Variants in RFX3 observed in about 807,000 individuals in gnomAD.
RFX3 encodes the protein regulatory factor X3.
In RFX3, 14 loss-of-function variants were observed where a neutral mutation model predicts 98.6. The ratio of observed to expected loss-of-function variants is 0.14; its 90% CI spans 0.09 to 0.22. The LOEUF (loss-of-function observed/expected upper bound fraction) is 0.22. RFX3 is among the 10% of genes least tolerant of loss of function. The pLI is 1.00. For synonymous variants in RFX3, 383 were observed against 328.4 expected (o/e 1.17, Z -1.80); for missense variants, 639 against 926.9 (o/e 0.69, Z 4.03).
intron 2 of RFX3, among the ~76,000 whole-genome samples, chr9:3,384,642 G>A (rs1197542483): frequency 6.6e-6 from 1 of 152,140 alleles, no homozygotes; most frequent in African/African-American, 2.4e-5. Context: ...CTGGACTTCT[G>A]ACAGAAGTAA....
chr9:3,285,496 C>T (rs1826472548), intron 7 of RFX3, among the ~76,000 whole-genome samples: 2 of 151,642 alleles, frequency 1.3e-5, no homozygotes, highest in Non-Finnish European at 3.0e-5. Flanking sequence ...AATATTTCTG[C>T]ACAACAGGGT....
chr9:3,414,865 TGTATATATATGAGTATATATAA>T (rs1275122524), intron 1 of RFX3, among the ~76,000 whole-genome samples: 99 of 137,790 alleles, frequency 7.2e-4, no homozygotes, highest in African/African-American at 2.5e-3. Context: ...TGAGTATATA[TGTATATATATGAGTATATATAA>T]GTATATATAT....
intron 3 of RFX3, among the ~76,000 whole-genome samples, chr9:3,342,970 C>T (rs1442835644): frequency 3.9e-5 from 6 of 152,208 alleles, no homozygotes; most frequent in African/African-American, 1.4e-4. Flanking sequence ...TATTCCAACA[C>T]ACAGTGCTGT....
At chr9:3,343,264 A>G (rs918442078) in intron 3 of RFX3, among the ~76,000 whole-genome samples, 1 of 152,172 alleles carries the variant, frequency 6.6e-6, no homozygotes, top group Non-Finnish European at 1.5e-5. Flanking sequence ...TTGTAGGGCC[A>G]TGTACTGGGT....
chr9:3,406,555 C>A (rs1841993571), intron 1 of RFX3, among the ~76,000 whole-genome samples: 1 of 152,050 alleles, frequency 6.6e-6, no homozygotes. Context: ...CTATCCTTAT[C>A]TTTTTCACTT....
At chr9:3,265,669 C>T (rs1465028071) in intron 12 of RFX3, among the ~76,000 whole-genome samples, 2 of 152,114 alleles carry the variant, frequency 1.3e-5, no homozygotes, top group African/African-American at 4.8e-5. Flanking sequence ...ATCCACATTC[C>T]TGAGATATAT....
intron 1 of RFX3, among the ~76,000 whole-genome samples, chr9:3,444,956 GAGAC>G (rs1845912555): frequency 6.6e-6 from 1 of 152,176 alleles, no homozygotes; most frequent in Non-Finnish European, 1.5e-5. Context: ...TGTGGGATAG[GAGAC>G]AGACAGTACT....
intron 1 of RFX3, among the ~76,000 whole-genome samples, chr9:3,424,577 G>A (rs1843821628): frequency 6.6e-6 from 1 of 151,350 alleles, no homozygotes; most frequent in Non-Finnish European, 1.5e-5. Flanking sequence ...AGCCGGGATG[G>A]TCTCGATCTC....
At chr9:3,226,958 T>G (rs1817849672) in intron 16 of RFX3, among the ~76,000 whole-genome samples, 1 of 152,176 alleles carries the variant, frequency 6.6e-6, no homozygotes, top group African/African-American at 2.4e-5. Flanking sequence ...ATAAGAATTC[T>G]CATTTTGTGG....
chr9:3,435,208 A>G (rs892110269), intron 1 of RFX3, among the ~76,000 whole-genome samples: 2 of 152,042 alleles, frequency 1.3e-5, no homozygotes, highest in South Asian at 4.1e-4. Flanking sequence ...TTATAAAAAT[A>G]AATTTTCATT....
intron 2 of RFX3, among the ~76,000 whole-genome samples, chr9:3,349,379 G>A (rs976894684): frequency 1.3e-5 from 2 of 151,890 alleles, no homozygotes; most frequent in African/African-American, 2.4e-5. Flanking sequence ...CTTAAAATAA[G>A]TCATCAGCTT....
intron 1 of RFX3, among the ~76,000 whole-genome samples, chr9:3,504,515 C>CCATATGGTATATATTGT (rs1564184373): frequency 1.1e-4 from 8 of 72,482 alleles, no homozygotes; most frequent in South Asian, 6.0e-4. Flanking sequence ...GTATATATTG[C>CCATATGGTATATATTGT]ATATAAAATA....
intron 6 of RFX3, among the ~76,000 whole-genome samples, chr9:3,290,667 ATAC>A (rs1827222678): frequency 6.6e-6 from 1 of 152,224 alleles, no homozygotes; most frequent in South Asian, 2.1e-4. Flanking sequence ...AGTTTAAAAT[ATAC>A]TATCTTTTGA....
intron 15 of RFX3, among the ~76,000 whole-genome samples, chr9:3,242,607 C>T (rs1820109590): frequency 6.6e-6 from 1 of 152,222 alleles, no homozygotes; most frequent in African/African-American, 2.4e-5. Flanking sequence ...TGTAATTCTA[C>T]TTCCACCAAA....
intron 2 of RFX3, among the ~76,000 whole-genome samples, chr9:3,351,153 G>A (rs1026523522): frequency 2.0e-5 from 3 of 151,836 alleles, no homozygotes; most frequent in Non-Finnish European, 4.4e-5. Flanking sequence ...CCTCTCTGGT[G>A]GGGAATGTTT....
chr9:3,240,300 G>C lies in RFX3; in HGVS notation c.1968+7732C>G, dbSNP rs1819744855. On this transcript the variant is annotated intron_variant, in intron 15 of 16. Transcript: ENST00000617270. ...TATCCTGGGCCCTGTAAATTGCAGG[G>C]TTGGGCCAGGCAGCATATCCTTTAT... is the stretch of plus-strand genomic sequence containing the variant. Among the ~76,000 whole-genome samples, 5 of 152,310 alleles carry C rather than the reference G, an allele frequency of 3.3e-5. No individual in the cohort carries two copies. In the South Asian group the frequency reaches 1.0e-3, roughly 32 times the overall value.
intron 1 of RFX3, among the ~76,000 whole-genome samples, chr9:3,512,136 CAA>C (rs1454522150): frequency 6.7e-6 from 1 of 149,598 alleles, no homozygotes; most frequent in Non-Finnish European, 1.5e-5. Context: ...AGAGAAAAAA[CAA>C]GATCATTTTT....
chr9:3,394,942 G>T, intron 2 of RFX3: 2 of 480,180 alleles, frequency 4.2e-6, no homozygotes, highest in Non-Finnish European at 5.4e-6. Flanking sequence ...TTTTTAAATA[G>T]CTTGAGTCAG....
intron 9 of RFX3, among the ~76,000 whole-genome samples, chr9:3,274,591 C>T (rs1440847301): frequency 1.3e-5 from 2 of 152,036 alleles, no homozygotes; most frequent in African/African-American, 2.4e-5. Context: ...CCAAAAGGAA[C>T]CCTAATTAAC....
Sources: allele counts gnomAD v4.1 joint callset (sites outside exome capture counted in the v4.1 genomes callset), GRCh38; gene constraint gnomAD v4.1.1; transcripts MANE v1.5; gene names NCBI Gene and HGNC (gene_info 2026-07-23, HGNC 2026-07-21).